The following MYOF variants were observed in gnomAD, a reference collection of about 807,000 sequenced individuals.
MYOF encodes the protein fer-1-like 3, myoferlin.
MYOF carries 244 observed loss-of-function variants against 284.2 expected under a neutral mutation model. The observed-to-expected ratio is 0.86, with a 90% CI of 0.77 to 0.95. MYOF has a LOEUF of 0.95. MYOF is among the 40% of genes least tolerant of loss of function. The pLI is 0.00. For synonymous variants in MYOF, 904 were observed against 919.7 expected (o/e 0.98, Z 0.31); for missense variants, 2,496 against 2,560.6 (o/e 0.97, Z 0.54).
chr10:93,311,169 C>T (rs767110639), intron 51 of MYOF, among the ~76,000 whole-genome samples: 2 of 152,164 alleles, frequency 1.3e-5, no homozygotes, highest in Non-Finnish European at 2.9e-5. Flanking sequence ...TCCCTGCTCA[C>T]GGGTTCCTGA....
intron 21 of MYOF, among the ~76,000 whole-genome samples, chr10:93,379,123 T>C (rs1452770251): frequency 1.3e-5 from 2 of 152,088 alleles, no homozygotes; most frequent in African/African-American, 4.8e-5. Context: ...ACAGATATCA[T>C]ATGTATGCAG....
In MYOF at chr10:93,419,675, C is replaced by T. The variant is rs139200117; in HGVS notation, c.433+6396G>A. On this transcript the variant is annotated intron_variant, in intron 5 of 53. Transcript: ENST00000359263. ...TTTCCTATATAACAATTTGGTCAATCTCTCTGGAGGAATGTATTACATTCA... is the reference window on the plus strand; with the variant it reads ...TTTCCTATATAACAATTTGGTCAATTTCTCTGGAGGAATGTATTACATTCA... Among the ~76,000 whole-genome samples the T allele has an allele frequency of 6.3e-3, 963 of 152,324 alleles. 11 individuals are homozygous for T. Among genetic ancestry groups the T allele is most frequent in the African/African-American group, 0.022 (927 of 41,572 alleles).
intron 10 of MYOF, 87 bp from the exon 11 acceptor site, chr10:93,402,434 T>C: frequency 2.7e-6 from 3 of 1,104,564 alleles, no homozygotes; most frequent in Non-Finnish European, 2.7e-6. Flanking sequence ...ATAAGCTGCA[T>C]TTTCTTGGAA....
At chr10:93,340,083 A>G in intron 39 of MYOF, 70 bp downstream of exon 39, 1 of 1,463,640 alleles carries the variant, frequency 6.8e-7, no homozygotes, top group Non-Finnish European at 9.5e-7. Context: ...CCTTCTCAAA[A>G]AAAGAAAAGA....
intron 32 of MYOF, 71 bp downstream of exon 32, chr10:93,353,735 AGCATT>A: frequency 8.2e-7 from 1 of 1,222,918 alleles, no homozygotes; most frequent in Non-Finnish European, 1.2e-6. Flanking sequence ...AATGACAAAA[AGCATT>A]CACTCGAAAC....
intron 24 of MYOF, among the ~76,000 whole-genome samples, chr10:93,371,787 C>T (rs1845604415): frequency 6.6e-6 from 1 of 151,896 alleles, no homozygotes; most frequent in Non-Finnish European, 1.5e-5. Flanking sequence ...ATGAGTTAAA[C>T]AGCTCCCTAA....
intron 15 of MYOF, 45 bp downstream of exon 15, chr10:93,397,202 T>C (rs1051897286): frequency 1.4e-6 from 2 of 1,441,650 alleles, no homozygotes; most frequent in Non-Finnish European, 9.6e-7. Context: ...CAATATCCAA[T>C]GTTTATTTTA....
intron 5 of MYOF, among the ~76,000 whole-genome samples, chr10:93,413,347 T>C (rs1014433485): frequency 3.3e-5 from 5 of 152,186 alleles, no homozygotes; most frequent in Admixed American, 3.3e-4. Context: ...AAACCTCCCC[T>C]TTATGTGGCA....
intron 41 of MYOF, among the ~76,000 whole-genome samples, chr10:93,334,533 A>G (rs878928976): frequency 3.9e-5 from 6 of 152,188 alleles, no homozygotes; most frequent in Admixed American, 6.5e-5. Flanking sequence ...TGAGGGGAGC[A>G]TAAAGTCTTG....
At chr10:93,466,306 C>T (rs1233954225) in intron 1 of MYOF, among the ~76,000 whole-genome samples, 4 of 152,100 alleles carry the variant, frequency 2.6e-5, no homozygotes, top group South Asian at 2.1e-4. Flanking sequence ...GGATACAAAG[C>T]GAGGCTGTTT....
At position 93,373,048 on chromosome 10, in the gene MYOF, A is replaced by T; in HGVS notation, c.2339T>A (p.Ile780Asn). 2.5e-6 allele frequency: 4 copies of T among 1,614,136 alleles called. No homozygotes were observed. Among genetic ancestry groups the T allele is most frequent in the Non-Finnish European group, 3.4e-6 (4 of 1,180,026 alleles). ...ATAGGCCAGTCTCTTCTCTCCCCGGATCATCCAGATGATGATGTCAGGCAT... is the reference window on the plus strand; with the variant it reads ...ATAGGCCAGTCTCTTCTCTCCCCGGTTCATCCAGATGATGATGTCAGGCAT... ...NSMPDIIIWM[I>N]RGEKRLAYAR... Residue 780 changes from isoleucine to asparagine, a missense_variant, in exon 24 of 54, where the codon ATC becomes AAC. Around this residue, in one of 3 missense-constraint regions of MYOF, gnomAD observed 2,436 missense variants for 2,480.7 expected, o/e 0.98. Coordinates refer to ENST00000359263, the MANE Select transcript of MYOF (RefSeq NM_013451.4).
chr10:93,461,376 C>T (rs2056878253), intron 1 of MYOF, among the ~76,000 whole-genome samples: 1 of 152,200 alleles, frequency 6.6e-6, no homozygotes. Context: ...AGACATGGTT[C>T]CTGCCCTCAG....
rs573092627 is a variant in MYOF at position 93,355,996 on chromosome 10, TGAAA to T, written c.3295-264_3295-261del. On this transcript the variant is annotated intron_variant, in intron 30 of 53. Coordinates refer to ENST00000359263, the MANE Select transcript of MYOF (RefSeq NM_013451.4). ...GTCCAGGTTTGCCAAACCCTGCTAC[TGAAA>T]GAAAGGGAAAAAAAGGAAAAATGTA... 5.9e-5 allele frequency among the ~76,000 whole-genome samples: 9 copies of T among 151,986 alleles called. No homozygotes were observed. The East Asian group carries it at 1.5e-3, about 26-fold the overall frequency.
At chr10:93,473,380 T>G (rs1024013188) in intron 1 of MYOF, among the ~76,000 whole-genome samples, 2 of 152,170 alleles carry the variant, frequency 1.3e-5, no homozygotes, top group Non-Finnish European at 2.9e-5. Flanking sequence ...ACCAAGGCAA[T>G]TGGTGTTTTT....
intron 12 of MYOF, among the ~76,000 whole-genome samples, chr10:93,400,325 TC>T (rs375367997): frequency 0.37 from 48,058 of 130,478 alleles, 9,513 homozygotes; most frequent in Middle Eastern, 0.57. Context: ...TTCTTCTTCT[TC>T]TTCTTTTTTT....
chr10:93,348,265 C>G (rs557935705), intron 36 of MYOF, among the ~76,000 whole-genome samples: 73 of 152,288 alleles, frequency 4.8e-4, no homozygotes, highest in Middle Eastern at 3.4e-3. Context: ...TAGAAATGGT[C>G]AAGACAAAAC....
At chr10:93,420,434 TC>T (rs1848313602) in intron 5 of MYOF, among the ~76,000 whole-genome samples, 1 of 152,128 alleles carries the variant, frequency 6.6e-6, no homozygotes, top group Non-Finnish European at 1.5e-5. Flanking sequence ...GAAAAGAACA[TC>T]TTTGACAACA....
intron 19 of MYOF, among the ~76,000 whole-genome samples, chr10:93,382,223 C>T (rs1222301100): frequency 2.0e-5 from 3 of 151,806 alleles, no homozygotes; most frequent in Non-Finnish European, 2.9e-5. Context: ...TTGAATGAAG[C>T]ATTAATTTTT....
intron 53 of MYOF, among the ~76,000 whole-genome samples, chr10:93,309,029 G>C (rs916772151): frequency 6.6e-6 from 1 of 152,116 alleles, no homozygotes; most frequent in African/African-American, 2.4e-5. Context: ...TTATTAATGT[G>C]TTTTTGGAGT....
Sources: allele counts gnomAD v4.1 joint callset (sites outside exome capture counted in the v4.1 genomes callset), GRCh38; gene constraint gnomAD v4.1.1; regional missense constraint gnomAD v4.1.1; transcripts MANE v1.5; gene names NCBI Gene and HGNC (gene_info 2026-07-23, HGNC 2026-07-21).